Variants in MAP3K5 observed in about 807,000 individuals in gnomAD.
MAP3K5 encodes the protein ASK-1.
MAP3K5 carries 56 observed loss-of-function variants against 158.7 expected under a neutral mutation model. That is an observed-to-expected ratio of 0.35 (90% CI 0.28 to 0.44). The LOEUF (loss-of-function observed/expected upper bound fraction) is 0.44. Among genes scored for constraint, MAP3K5 ranks in the 20% least tolerant of loss-of-function variants. The pLI is 1.00. For missense variants in MAP3K5, 1,294 were observed against 1,674.8 expected (o/e 0.77, Z 3.97); for synonymous variants, 579 against 601.7 (o/e 0.96, Z 0.55).
chr6:136,759,866 T>C (rs1783673396), intron 1 of MAP3K5, among the ~76,000 whole-genome samples: 1 of 150,530 alleles, frequency 6.6e-6, no homozygotes, highest in Admixed American at 6.6e-5. Context: ...GGATTATCAT[T>C]AGTTCTTATA....
At chr6:136,651,124 G>T in intron 10 of MAP3K5, 33 bp from the exon 11 acceptor site, 1 of 1,212,544 alleles carries the variant, frequency 8.2e-7, no homozygotes, top group Non-Finnish European at 1.2e-6. Flanking sequence ...ACTAATATCA[G>T]TGACTTAAGA....
At chr6:136,755,253 T>C (rs1012135775) in intron 1 of MAP3K5, among the ~76,000 whole-genome samples, 5 of 152,146 alleles carry the variant, frequency 3.3e-5, no homozygotes, top group African/African-American at 1.2e-4. Flanking sequence ...AGCTCCTCTC[T>C]GCTCCCTGGC....
chr6:136,683,553 ACTTT>A (rs1344756044), intron 7 of MAP3K5, among the ~76,000 whole-genome samples: 1 of 152,182 alleles, frequency 6.6e-6, no homozygotes, highest in East Asian at 1.9e-4. Flanking sequence ...TAGGAGATAC[ACTTT>A]CTTATGATTA....
chr6:136,597,058 A>G (rs1775665014), intron 21 of MAP3K5, among the ~76,000 whole-genome samples: 1 of 152,170 alleles, frequency 6.6e-6, no homozygotes, highest in Admixed American at 6.5e-5. Flanking sequence ...GCCCTCCTCT[A>G]TGGGGCTGAC....
intron 12 of MAP3K5, among the ~76,000 whole-genome samples, chr6:136,642,111 G>A (rs1778005254): frequency 6.6e-6 from 1 of 151,060 alleles, no homozygotes; most frequent in African/African-American, 2.4e-5. Context: ...GCAGGACACA[G>A]TGTAGTAGAC....
intron 1 of MAP3K5, among the ~76,000 whole-genome samples, chr6:136,750,793 A>G (rs1783172546): frequency 6.6e-6 from 1 of 152,228 alleles, no homozygotes; most frequent in Non-Finnish European, 1.5e-5. Context: ...CCTGAGTCCT[A>G]GTCCTGCAGT....
chr6:136,594,802 T>TTGTGTG (rs149943450), intron 21 of MAP3K5, among the ~76,000 whole-genome samples: 1 of 150,026 alleles, frequency 6.7e-6, no homozygotes, highest in Non-Finnish European at 1.5e-5. Flanking sequence ...GTTTCCGTGT[T>TTGTGTG]TGTGTGTGTG....
At chr6:136,775,555 CT>C (rs1372654939) in intron 1 of MAP3K5, among the ~76,000 whole-genome samples, 1 of 152,172 alleles carries the variant, frequency 6.6e-6, no homozygotes, top group African/African-American at 2.4e-5. Context: ...GCACAGAACT[CT>C]TTGGGTAACA....
In MAP3K5 at chr6:136,639,439, C is replaced by T; in HGVS notation, c.1934+104G>A. The T allele has an allele frequency of 6.9e-6, 4 of 581,980 alleles. No individual in the cohort carries two copies. In the South Asian group the frequency reaches 8.8e-5, roughly 13 times the overall value. The allele number at this position is 581,980 out of a possible 1,614,324, so 36.1% of individuals were successfully genotyped here. A position where few individuals can be genotyped will look rare whatever the true frequency, so the allele number is the denominator to read the frequency against. The stretch of plus-strand genomic sequence containing the variant: ...TAGCCCAAATAAAATATTTATATAA[C>T]CACATAGCCATGCATTCTTCACAGG... On this transcript the variant is annotated intron_variant, in intron 13 of 29. Coordinates refer to ENST00000359015, the MANE Select transcript of MAP3K5 (RefSeq NM_005923.4).
intron 14 of MAP3K5, among the ~76,000 whole-genome samples, chr6:136,627,503 C>T (rs142043534): frequency 5.3e-5 from 8 of 152,182 alleles, no homozygotes; most frequent in African/African-American, 1.7e-4. Flanking sequence ...TTGCGTACCC[C>T]CCTCTTCAGC....
At position 136,637,366 on chromosome 6, in the gene MAP3K5, T is replaced by C; in HGVS notation, c.1975A>G (p.Arg659Gly). The C allele has an allele frequency of 6.2e-7, 1 of 1,612,486 alleles. No individual in the cohort carries two copies. The highest frequency in any genetic ancestry group is 1.7e-4 in the Middle Eastern group (1 of 6,058). ...TCACAGTCTCCTTCCTCTGTGCTTC[T>C]CCCCTTCTCTTCGGTAATGGTGTTC... Reference protein sequence around the residue: ...MVNTITEEKGRSTEEGDCESD... With the variant: ...MVNTITEEKGGSTEEGDCESD... Residue 659 changes from arginine to glycine, a missense_variant, in exon 14 of 30, where the codon AGA becomes GGA. Arg to Gly is a moderately radical substitution (Grantham distance 125). Coordinates refer to ENST00000359015, the MANE Select transcript of MAP3K5 (RefSeq NM_005923.4).
Position 136,611,299 on chromosome 6 carries a change from C to T in MAP3K5, c.2504G>A (p.Cys835Tyr). ...AAACATACCAGTAAAAGTTTCAGTACAGGGGTTTATGCCAGCAAGCCTCTT... is the reference window on the plus strand; with the variant it reads ...AAACATACCAGTAAAAGTTTCAGTATAGGGGTTTATGCCAGCAAGCCTCTT... ...TSKRLAGINP[C>Y]TETFTGTLQY... Residue 835 changes from cysteine to tyrosine, a missense_variant, in exon 18 of 30, where the codon TGT (cysteine) becomes TAT (tyrosine). Cys to Tyr is a radical substitution (Grantham distance 194). Transcript: ENST00000359015. 6.2e-7 allele frequency: 1 copy of T among 1,611,124 alleles called. No individual in the cohort carries two copies. Among genetic ancestry groups the T allele is most frequent in the Non-Finnish European group, 8.5e-7 (1 of 1,177,606 alleles).
chr6:136,583,267 C>T (rs916487844), intron 24 of MAP3K5, among the ~76,000 whole-genome samples: 4 of 152,014 alleles, frequency 2.6e-5, no homozygotes, highest in African/African-American at 9.7e-5. Context: ...TCAAAATAAA[C>T]AATGACCCAA....
chr6:136,726,734 T>C (rs1050190291), intron 1 of MAP3K5, among the ~76,000 whole-genome samples: 3 of 152,206 alleles, frequency 2.0e-5, no homozygotes, highest in Non-Finnish European at 4.4e-5. Flanking sequence ...GGTGCTACTA[T>C]AGATAGTACT....
chr6:136,645,233 T>A (rs1778196102), intron 11 of MAP3K5, among the ~76,000 whole-genome samples: 1 of 152,226 alleles, frequency 6.6e-6, no homozygotes, highest in Non-Finnish European at 1.5e-5. Flanking sequence ...ATGCTCGGCC[T>A]GTAATTTCTT....
chr6:136,671,167 A>G (rs1403332297), intron 7 of MAP3K5, among the ~76,000 whole-genome samples: 1 of 152,216 alleles, frequency 6.6e-6, no homozygotes, highest in African/African-American at 2.4e-5. Context: ...CTGAAACCAA[A>G]GAACATGAAA....
intron 2 of MAP3K5, among the ~76,000 whole-genome samples, chr6:136,712,175 CTTT>C (rs35467964): frequency 3.0e-5 from 4 of 135,442 alleles, no homozygotes; most frequent in Admixed American, 1.5e-4. Flanking sequence ...TTTAATAGAG[CTTT>C]TTTTTTTTTT....
intron 4 of MAP3K5, among the ~76,000 whole-genome samples, chr6:136,697,892 G>A (rs1457904827): frequency 2.0e-5 from 3 of 152,020 alleles, no homozygotes; most frequent in Non-Finnish European, 2.9e-5. Flanking sequence ...TTACAGGTGT[G>A]CACCACCACA....
intron 25 of MAP3K5, among the ~76,000 whole-genome samples, chr6:136,571,380 T>C (rs538421992): frequency 1.6e-4 from 25 of 152,252 alleles, no homozygotes; most frequent in African/African-American, 6.0e-4. Context: ...GCAGGAGTAA[T>C]ACAGCTGTAA....
Sources: gnomAD v4.1 joint callset for allele counts (sites outside exome capture counted in the v4.1 genomes callset) on GRCh38, gnomAD v4.1.1 for gene constraint, MANE v1.5 for transcripts, NCBI Gene and HGNC (gene_info 2026-07-23, HGNC 2026-07-21) for gene names.